Variants in SEC61A2 observed in about 807,000 individuals in gnomAD.
The protein encoded by SEC61A2 is protein transport protein Sec61 subunit alpha isoform 2.
SEC61A2 carries 28 observed loss-of-function variants against 59.9 expected under a neutral mutation model. The observed-to-expected ratio is 0.47, with a 90% CI of 0.35 to 0.64. The LOEUF is 0.64. Among genes scored for constraint, SEC61A2 ranks in the 30% least tolerant of loss-of-function variants. The pLI, the probability that SEC61A2 is intolerant of heterozygous loss-of-function variation, is 0.01. For synonymous variants in SEC61A2, 202 were observed against 214.4 expected, an observed-to-expected ratio of 0.94 and a Z score of 0.50; for missense variants, 340 against 585.9, an observed-to-expected ratio of 0.58 and a Z score of 4.33.
downstream of SEC61A2, chr10:12,169,653 G>T (rs1834807488): frequency 4.0e-6 from 1 of 248,302 alleles, no homozygotes; most frequent in African/African-American, 2.3e-5. The surrounding 1 kb of genome is among the most constrained non-coding windows in gnomAD (Gnocchi z 4.8). Flanking sequence ...TTTTTGGAAA[G>T]GTGAAGCAGG....
At chr10:12,168,537 C>T (rs1189519851), downstream of SEC61A2, among the ~76,000 whole-genome samples, 3 of 152,144 alleles carry the variant, frequency 2.0e-5, no homozygotes, top group Non-Finnish European at 4.4e-5. The surrounding 1 kb of genome is among the most constrained non-coding windows in gnomAD (Gnocchi z 4.8). Flanking sequence ...AGATCTACTA[C>T]CAAGAATGCG....
chr10:12,147,879 G>T (rs568819216), intron 4 of SEC61A2, among the ~76,000 whole-genome samples: 2 of 151,418 alleles, frequency 1.3e-5, no homozygotes, highest in African/African-American at 2.4e-5. Context: ...TCTATTTCTG[G>T]ACTAGAGCTA....
intron 3 of SEC61A2, among the ~76,000 whole-genome samples, chr10:12,139,375 C>G (rs189468370): frequency 6.6e-6 from 1 of 151,754 alleles, no homozygotes; most frequent in Non-Finnish European, 1.5e-5. Flanking sequence ...TCTTGCCAGG[C>G]GCAGTGGCTC....
intron 11 of SEC61A2, among the ~76,000 whole-genome samples, chr10:12,163,312 C>CT (rs3060465): frequency 1.5e-4 from 10 of 68,568 alleles, no homozygotes; most frequent in South Asian, 6.4e-4. Context: ...GGCCAGCTAG[C>CT]TTTTTTTTTT....
rs1008633438 is a variant in SEC61A2, at chr10:12,161,389, G to C, written c.1167+268G>C. ...TTGAGTCCGGGAGGTGGAGGTTGCA[G>C]TGAGCCAAGATTGCACCACTGCACT... On this transcript the variant is annotated intron_variant, in intron 10 of 11. Coordinates refer to ENST00000298428, the MANE Select transcript of SEC61A2 (RefSeq NM_018144.4). The surrounding 1 kb of genome is among the most constrained non-coding windows in gnomAD (Gnocchi z 5.4). Among the ~76,000 whole-genome samples, 4 of 152,226 alleles carry C rather than the reference G, an allele frequency of 2.6e-5. No individual in the cohort carries two copies. The highest frequency in any genetic ancestry group is 9.6e-5 in the African/African-American group (4 of 41,458).
At chr10:12,167,886 C>A, downstream of SEC61A2, 1 of 1,591,938 alleles carries the variant, frequency 6.3e-7, no homozygotes, top group Non-Finnish European at 8.5e-7. Flanking sequence ...TCAGTGTTTG[C>A]GCAGCAGGTA....
chr10:12,131,063 C>T (rs1243030215), intron 1 of SEC61A2, among the ~76,000 whole-genome samples: 27 of 152,144 alleles, frequency 1.8e-4, no homozygotes. Flanking sequence ...ATCCCAGCTC[C>T]CCAGGAGGCT....
In SEC61A2 at chr10:12,158,977, T is replaced by G. The variant is rs1029761728; in HGVS notation, c.975+872T>G. ...ATATACATCCCCCATCATAATTTTT[T>G]TTTCTTTTTTTTTTTTTTGAGACGG... On this transcript the variant is annotated intron_variant, in intron 9 of 11. Transcript: ENST00000298428. This position sits in a 1 kb window ranked among gnomAD's most constrained non-coding sequence, Gnocchi z 5.7. 6.6e-6 allele frequency among the ~76,000 whole-genome samples: 1 copy of G among 151,032 alleles called. No homozygotes were observed. Among genetic ancestry groups the G allele is most frequent in the Non-Finnish European group, 1.5e-5 (1 of 67,942 alleles).
rs1834221469 is a variant in SEC61A2 at position 12,149,208 on chromosome 10, G to A, written c.221-387G>A. Among the ~76,000 whole-genome samples, 3 of 151,952 alleles carry A rather than the reference G, an allele frequency of 2.0e-5. No homozygotes were observed. On this transcript the variant is annotated intron_variant, in intron 4 of 11. Transcript: ENST00000298428. This position sits in a 1 kb window ranked among gnomAD's most constrained non-coding sequence, Gnocchi z 5.2. Reference sequence around the variant, plus strand: ...AGGTTTAAGCGATTCTCCTGCCTCAGACTCCTGAGTAGCTGGGATTACAGG... The same window carrying A: ...AGGTTTAAGCGATTCTCCTGCCTCAAACTCCTGAGTAGCTGGGATTACAGG...
At chr10:12,137,491 G>T (rs1383817121) in intron 3 of SEC61A2, among the ~76,000 whole-genome samples, 1 of 150,634 alleles carries the variant, frequency 6.6e-6, no homozygotes, top group Non-Finnish European at 1.5e-5. Context: ...GTATTGTAGA[G>T]ATGAGGTTTT....
intron 2 of SEC61A2, among the ~76,000 whole-genome samples, chr10:12,133,879 T>A (rs1833820443): frequency 6.6e-6 from 1 of 152,260 alleles, no homozygotes; most frequent in African/African-American, 2.4e-5. Flanking sequence ...GGAAATATTG[T>A]TAATCCTAGA....
rs187479756 is a variant in SEC61A2, at chr10:12,155,119, T to C, written c.463-659T>C. On this transcript the variant is annotated intron_variant, in intron 6 of 11. Coordinates refer to ENST00000298428, the MANE Select transcript of SEC61A2 (RefSeq NM_018144.4). This position sits in a 1 kb window ranked among gnomAD's most constrained non-coding sequence, Gnocchi z 4.3. ...AATTAAAGTCAGTATGCTTTCATTT[T>C]TAAAAACAATATGAGCTTAACCTTA... is the stretch of plus-strand genomic sequence containing the variant. Among the ~76,000 whole-genome samples the C allele has an allele frequency of 6.4e-4, 98 of 152,206 alleles. No individual in the cohort carries two copies. Among genetic ancestry groups the C allele is most frequent in the African/African-American group, 2.3e-3 (94 of 41,454 alleles).
chr10:12,168,339 T>G (rs1834761574), downstream of SEC61A2, among the ~76,000 whole-genome samples: 1 of 152,136 alleles, frequency 6.6e-6, no homozygotes, highest in Non-Finnish European at 1.5e-5. The surrounding 1 kb of genome is among the most constrained non-coding windows in gnomAD (Gnocchi z 4.8). Context: ...TGATTTTATG[T>G]GTGAAAACAG....
intron 1 of SEC61A2, among the ~76,000 whole-genome samples, chr10:12,130,153 T>G (rs529100299): frequency 2.6e-5 from 4 of 152,298 alleles, no homozygotes; most frequent in African/African-American, 7.2e-5. Flanking sequence ...TCGTCATCTT[T>G]CCTTGGCATG....
Position 12,155,460 on chromosome 10 carries a change from A to AT in SEC61A2, c.463-312dup, listed in dbSNP as rs1834374976. The AT allele has an allele frequency of 1.2e-5, 12 of 1,032,726 alleles. No individual in the cohort carries two copies. The highest frequency in any genetic ancestry group is 1.6e-5 in the Non-Finnish European group (12 of 729,574). 64.0% of individuals were successfully genotyped at this position (1,032,726 alleles called of 1,614,324 possible). A position where few individuals can be genotyped will look rare whatever the true frequency, so the allele number is the denominator to read the frequency against. On this transcript the variant is annotated intron_variant, in intron 6 of 11. Transcript: ENST00000298428. This position sits in a 1 kb window ranked among gnomAD's most constrained non-coding sequence, Gnocchi z 4.3. ...TCATAAATTCTAGAATACTGTGATCATTTTTTGTTTCAGTGTGCTTTTCAA... is the reference window on the plus strand; with the variant it reads ...TCATAAATTCTAGAATACTGTGATCATTTTTTTGTTTCAGTGTGCTTTTCAA...
Position 12,129,685 on chromosome 10 carries a change from G to C in SEC61A2, c.-103G>C, listed in dbSNP as rs1833679441. On this transcript the variant is annotated 5_prime_UTR_variant, in exon 1 of 12. Transcript: ENST00000298428. The surrounding 1 kb of genome is among the most constrained non-coding windows in gnomAD (Gnocchi z 5.6). ...GGTTGGGCGGAGCCTGCGCGGGGCCGGTAGGATCGCGTCGGGAGCCGGTAC... is the reference window on the plus strand; with the variant it reads ...GGTTGGGCGGAGCCTGCGCGGGGCCCGTAGGATCGCGTCGGGAGCCGGTAC... 8.5e-6 allele frequency: 10 copies of C among 1,173,468 alleles called. No homozygotes were observed. The highest frequency in any genetic ancestry group is 3.2e-5 in the East Asian group (1 of 31,388). The allele number at this position is 1,173,468 out of a possible 1,614,324, so 72.7% of individuals were successfully genotyped here.
At chr10:12,166,683 C>T (rs1834704800), downstream of SEC61A2, 1 of 498,346 alleles carries the variant, frequency 2.0e-6, no homozygotes, top group African/African-American at 2.0e-5. Flanking sequence ...GAGAATCATC[C>T]TGAGAATTCC....
Position 12,130,067 on chromosome 10 carries a change from G to A in SEC61A2, c.7+273G>A, listed in dbSNP as rs1181645250. ...GGGAGGCCATTGGTTTTGGGGGCGG[G>A]GAGTTAGGGCACCGGGTGAACCTGG... is the stretch of plus-strand genomic sequence containing the variant. On this transcript the variant is annotated intron_variant, in intron 1 of 11. Transcript: ENST00000298428. 2.0e-5 allele frequency among the ~76,000 whole-genome samples: 3 copies of A among 152,310 alleles called. No homozygotes were observed. The East Asian group carries it at 5.8e-4, about 29-fold the overall frequency.
Position 12,153,929 on chromosome 10 carries a change from T to G in SEC61A2, c.463-1849T>G. On this transcript the variant is annotated intron_variant, in intron 6 of 11. Transcript: ENST00000298428. This position sits in a 1 kb window ranked among gnomAD's most constrained non-coding sequence, Gnocchi z 5.2. ...TGAGTTTAGAAATCTACATAGCAGG[T>G]CTTGACTAAAAATTTTAAAAAACTA... 1.1e-6 allele frequency: 1 copy of G among 933,412 alleles called. No homozygotes were observed. Among genetic ancestry groups the G allele is most frequent in the Non-Finnish European group, 1.5e-6 (1 of 658,742 alleles). The allele number at this position is 933,412 out of a possible 1,614,324, so 57.8% of individuals were successfully genotyped here.
Sources: gnomAD v4.1 joint callset for allele counts (sites outside exome capture counted in the v4.1 genomes callset) on GRCh38, gnomAD v4.1.1 for gene constraint, Gnocchi (gnomAD v3.1) non-coding constraint, MANE v1.5 for transcripts, NCBI Gene and HGNC (gene_info 2026-07-23, HGNC 2026-07-21) for gene names.